Variants in TRIM44 observed in about 807,000 individuals in gnomAD.
The protein encoded by TRIM44 is tripartite motif-containing protein 44.
TRIM44 carries 13 observed loss-of-function variants against 37.4 expected under a neutral mutation model. That is an observed-to-expected ratio of 0.35 (90% CI 0.23 to 0.55). TRIM44 has a LOEUF of 0.55. Among genes scored for constraint, TRIM44 ranks in the 20% least tolerant of loss-of-function variants. The pLI is 0.89. For synonymous variants in TRIM44, 175 were observed against 157.2 expected, an observed-to-expected ratio of 1.11 and a Z score of -0.85; for missense variants, 426 against 437.2, an observed-to-expected ratio of 0.97 and a Z score of 0.23.
chr11:35,783,125 G>A (rs796524739), intron 4 of TRIM44, among the ~76,000 whole-genome samples: 12 of 152,256 alleles, frequency 7.9e-5, no homozygotes, highest in African/African-American at 2.9e-4. Flanking sequence ...GTCCTGTAAG[G>A]TAGGCTGTCC....
At chr11:35,801,306 G>A (rs947245145) in intron 4 of TRIM44, among the ~76,000 whole-genome samples, 3 of 152,160 alleles carry the variant, frequency 2.0e-5, no homozygotes, top group African/African-American at 4.8e-5. Flanking sequence ...TCTAGCCTTC[G>A]TTCCTTGTCA....
chr11:35,754,377 C>T lies in TRIM44; in HGVS notation c.1007+18932C>T, dbSNP rs192211034. 1.7e-3 allele frequency among the ~76,000 whole-genome samples: 252 copies of T among 152,210 alleles called. 2 individuals carry two copies. The highest frequency in any genetic ancestry group is 2.6e-3 in the Non-Finnish European group (175 of 68,006). ...GCTGCCTGCTGCTCACTCTAGTGCC[C>T]GACTATTATGGAGACTCACTGCCTG... On this transcript the variant is annotated intron_variant, in intron 4 of 4. Transcript: ENST00000299413.
At chr11:35,722,797 A>C (rs1447028453) in intron 2 of TRIM44, among the ~76,000 whole-genome samples, 1 of 152,176 alleles carries the variant, frequency 6.6e-6, no homozygotes, top group Non-Finnish European at 1.5e-5. Flanking sequence ...GCAGCCCAGT[A>C]GGTCTCAGTC....
intron 2 of TRIM44, among the ~76,000 whole-genome samples, chr11:35,710,201 T>C (rs1851950217): frequency 1.3e-5 from 2 of 152,186 alleles, no homozygotes; most frequent in Admixed American, 6.5e-5. Context: ...GACTCAAATA[T>C]AGAATTACAG....
chr11:35,719,345 CT>C (rs1167350476), intron 2 of TRIM44, among the ~76,000 whole-genome samples: 4 of 152,110 alleles, frequency 2.6e-5, no homozygotes, highest in Non-Finnish European at 5.9e-5. Flanking sequence ...TGTTGAGCAT[CT>C]TTTCATGTGC....
At chr11:35,681,952 C>CTTTTTTTT (rs35760830) in intron 1 of TRIM44, among the ~76,000 whole-genome samples, 2 of 101,366 alleles carry the variant, frequency 2.0e-5, no homozygotes, top group Non-Finnish European at 3.8e-5. Flanking sequence ...ATGTCCCATA[C>CTTTTTTTT]TTTTTTTTTT....
chr11:35,680,512 T>C (rs1851510505), intron 1 of TRIM44, among the ~76,000 whole-genome samples: 1 of 152,196 alleles, frequency 6.6e-6, no homozygotes, highest in Non-Finnish European at 1.5e-5. Context: ...ACCTCATTCT[T>C]TTTATTTGCT....
chr11:35,759,242 C>T (rs1027153502), intron 4 of TRIM44, among the ~76,000 whole-genome samples: 9 of 152,152 alleles, frequency 5.9e-5, no homozygotes, highest in African/African-American at 2.2e-4. Context: ...CGCTTCATTT[C>T]ATTCATTTGA....
chr11:35,720,416 C>CT (rs563665257), intron 2 of TRIM44, among the ~76,000 whole-genome samples: 8,678 of 137,168 alleles, frequency 0.063, 797 homozygotes, highest in African/African-American at 0.21. Flanking sequence ...AGGTTTTTTT[C>CT]TTTTTTTTTT....
intron 4 of TRIM44, among the ~76,000 whole-genome samples, chr11:35,771,038 G>T (rs1218688634): frequency 2.0e-5 from 3 of 152,142 alleles, no homozygotes; most frequent in Non-Finnish European, 4.4e-5. Context: ...ATAGAGCGGG[G>T]CGTTGCTGAA....
rs372009456 is a variant in TRIM44 at position 35,733,056 on chromosome 11, C to T, written c.988-2370C>T. Among the ~76,000 whole-genome samples the T allele has an allele frequency of 6.0e-4, 91 of 152,198 alleles. 1 individual carries two copies. The South Asian group carries it at 6.0e-3, about 10-fold the overall frequency. Reference sequence around the variant, plus strand: ...AAAATAATGGCTACTATTTGTTGAACGATTACAAGGTACTAGACACTTGCT... The same window carrying T: ...AAAATAATGGCTACTATTTGTTGAATGATTACAAGGTACTAGACACTTGCT... On this transcript the variant is annotated intron_variant, in intron 3 of 4. Transcript: ENST00000299413.
chr11:35,664,926 C>G (rs1193968209), intron 1 of TRIM44, among the ~76,000 whole-genome samples: 1 of 152,150 alleles, frequency 6.6e-6, no homozygotes, highest in East Asian at 1.9e-4. Context: ...TGCTTTTACT[C>G]CATGTGTATG....
intron 1 of TRIM44, among the ~76,000 whole-genome samples, chr11:35,668,922 CTTT>C (rs954998061): frequency 6.6e-6 from 1 of 151,208 alleles, no homozygotes; most frequent in Non-Finnish European, 1.5e-5. Context: ...AATCATAATT[CTTT>C]TTTTTTCATT....
intron 1 of TRIM44, among the ~76,000 whole-genome samples, chr11:35,674,248 G>GTGTA (rs778337180): frequency 2.9e-4 from 44 of 152,058 alleles, no homozygotes; most frequent in African/African-American, 7.7e-4. Context: ...GTGTGTGTGT[G>GTGTA]TGTGTACACA....
intron 1 of TRIM44, among the ~76,000 whole-genome samples, chr11:35,680,928 A>AT (rs899826550): frequency 1.9e-4 from 29 of 149,638 alleles, no homozygotes; most frequent in South Asian, 6.4e-4. Flanking sequence ...TCGTTTGTTC[A>AT]TTTTTTTTTG....
intron 4 of TRIM44, among the ~76,000 whole-genome samples, chr11:35,760,920 A>G (rs1168123031): frequency 1.3e-5 from 2 of 152,160 alleles, no homozygotes; most frequent in Non-Finnish European, 2.9e-5. Flanking sequence ...GTAATTTTAT[A>G]TCCTTTGGCC....
chr11:35,704,745 A>G (rs1339431231), intron 2 of TRIM44, among the ~76,000 whole-genome samples: 1 of 152,230 alleles, frequency 6.6e-6, no homozygotes, highest in East Asian at 1.9e-4. Flanking sequence ...CTGCCTTACA[A>G]GAGCTCCTGA....
chr11:35,663,418 G>A lies in TRIM44; in HGVS notation c.307G>A (p.Glu103Lys), dbSNP rs1565399808. 6.3e-7 allele frequency: 1 copy of A among 1,575,160 alleles called. No homozygotes were observed. The highest frequency in any genetic ancestry group is 1.4e-5 in the African/African-American group (1 of 73,974). Residue 103 changes from glutamate (E) to lysine (K), a missense_variant, in exon 1 of 5, where the codon GAA (glutamate) becomes AAA (lysine). Transcript: ENST00000299413. Reference sequence around the variant, plus strand: ...GGCAGGGGAAGAGAGTGAGTCGGAGGAAGAGAGCGAGTCAGAGGAAGAGAG... The same window carrying A: ...GGCAGGGGAAGAGAGTGAGTCGGAGAAAGAGAGCGAGTCAGAGGAAGAGAG... ...SEAGEESESE[E>K]ESESEEESET...
At chr11:35,778,197 T>G (rs1159031652) in intron 4 of TRIM44, among the ~76,000 whole-genome samples, 1 of 152,228 alleles carries the variant, frequency 6.6e-6, no homozygotes, top group Non-Finnish European at 1.5e-5. Flanking sequence ...TGGCTTCATT[T>G]CATTCATTTC....
Sources: allele counts gnomAD v4.1 joint callset (sites outside exome capture counted in the v4.1 genomes callset), GRCh38; gene constraint gnomAD v4.1.1; transcripts MANE v1.5; gene names NCBI Gene and HGNC (gene_info 2026-07-23, HGNC 2026-07-21).